CSMD2: variants seen among roughly 807,000 people sequenced by gnomAD.
CSMD2 encodes CUB and sushi domain-containing protein 2.
CSMD2 carries 130 observed loss-of-function variants against 398.5 expected under a neutral mutation model. The ratio of observed to expected loss-of-function variants is 0.33; its 90% CI spans 0.28 to 0.38. CSMD2 has a LOEUF of 0.38. Among genes scored for constraint, CSMD2 ranks in the 10% least tolerant of loss-of-function variants. The probability of loss-of-function intolerance (pLI) is 1.00; values close to 1 mark genes in which losing one functional copy is unlikely to be tolerated. For synonymous variants in CSMD2, 1,828 were observed against 1,908.5 expected (o/e 0.96, Z 1.10); for missense variants, 3,829 against 4,764.9 (o/e 0.80, Z 5.78).
chr1:33,798,544 G>A (rs986772130), intron 10 of CSMD2, among the ~76,000 whole-genome samples: 3 of 152,230 alleles, frequency 2.0e-5, no homozygotes, highest in African/African-American at 7.2e-5. Flanking sequence ...GCTACACTGT[G>A]AGAAGTGAAG....
chr1:33,869,686 C>T (rs1640307192), intron 5 of CSMD2, among the ~76,000 whole-genome samples: 1 of 152,188 alleles, frequency 6.6e-6, no homozygotes, highest in African/African-American at 2.4e-5. Flanking sequence ...ACAAATTCTC[C>T]TTCTTGTAGC....
intron 1 of CSMD2, among the ~76,000 whole-genome samples, chr1:34,150,856 G>A (rs1340520578): frequency 2.6e-5 from 4 of 152,124 alleles, no homozygotes; most frequent in African/African-American, 9.7e-5. Flanking sequence ...TGAGGTCGAG[G>A]TTACATTGAG....
At chr1:33,832,269 A>T (rs1280245646) in intron 6 of CSMD2, among the ~76,000 whole-genome samples, 2 of 151,976 alleles carry the variant, frequency 1.3e-5, no homozygotes, top group Non-Finnish European at 2.9e-5. Flanking sequence ...GAAGTAAAGC[A>T]CTCCTCAGCA....
At chr1:33,909,363 C>T (rs1347479934) in intron 5 of CSMD2, among the ~76,000 whole-genome samples, 1 of 152,182 alleles carries the variant, frequency 6.6e-6, no homozygotes, top group African/African-American at 2.4e-5. Context: ...TCCTACCCTC[C>T]TCAGAGAGGT....
chr1:34,153,703 G>A (rs530231541), intron 1 of CSMD2, among the ~76,000 whole-genome samples: 3 of 152,204 alleles, frequency 2.0e-5, no homozygotes, highest in Admixed American at 6.5e-5. Context: ...ACAGGGCCTT[G>A]AGCCAGAAAC....
intron 4 of CSMD2, among the ~76,000 whole-genome samples, chr1:33,935,206 A>G (rs1016960514): frequency 6.6e-6 from 1 of 152,062 alleles, no homozygotes; most frequent in African/African-American, 2.4e-5. Context: ...GCAAATATGA[A>G]CAAGTTGGTC....
At chr1:34,123,521 A>AAGG (rs201879905) in intron 1 of CSMD2, among the ~76,000 whole-genome samples, 22 of 80,028 alleles carry the variant, frequency 2.7e-4, no homozygotes, top group Admixed American at 1.5e-3. Flanking sequence ...ATCAAACTTA[A>AAGG]AGGGGGGGGG....
chr1:33,778,280 C>G (rs1048083923), intron 12 of CSMD2, among the ~76,000 whole-genome samples: 1 of 152,116 alleles, frequency 6.6e-6, no homozygotes, highest in African/African-American at 2.4e-5. Flanking sequence ...ACTGCAGCCT[C>G]GAACTCCTGG....
At chr1:34,000,967 G>A (rs1320206629) in intron 3 of CSMD2, among the ~76,000 whole-genome samples, 3 of 151,210 alleles carry the variant, frequency 2.0e-5, no homozygotes, top group Non-Finnish European at 4.4e-5. Context: ...GGAGTAGAAA[G>A]AGGAGGAGGA....
At chr1:34,008,051 T>C (rs1647114386) in intron 3 of CSMD2, among the ~76,000 whole-genome samples, 1 of 152,230 alleles carries the variant, frequency 6.6e-6, no homozygotes, top group African/African-American at 2.4e-5. Flanking sequence ...CAAATAATTA[T>C]GCTTTATGGA....
intron 44 of CSMD2, chr1:33,600,297 C>A (rs186182544): frequency 7.5e-5 from 47 of 624,578 alleles, no homozygotes; most frequent in African/African-American, 7.2e-4. Flanking sequence ...CCACAGAGAA[C>A]ATTCTATAAG....
intron 16 of CSMD2, 128 bp downstream of exon 16, chr1:33,726,419 C>T (rs1646531788): frequency 3.2e-5 from 37 of 1,147,430 alleles, no homozygotes; most frequent in Non-Finnish European, 4.0e-5. Flanking sequence ...CAATTTGGTC[C>T]AGTGTTCTCC....
At chr1:34,136,941 T>A (rs1638812932) in intron 1 of CSMD2, among the ~76,000 whole-genome samples, 1 of 152,120 alleles carries the variant, frequency 6.6e-6, no homozygotes, top group South Asian at 2.1e-4. Flanking sequence ...TCCACTCATC[T>A]TTCCATTCAC....
chr1:33,581,264 G>A (rs189531504), intron 47 of CSMD2, among the ~76,000 whole-genome samples: 1 of 145,266 alleles, frequency 6.9e-6, no homozygotes, highest in Non-Finnish European at 1.5e-5. Context: ...GCTCATGTCT[G>A]TAATCCCAGC....
chr1:33,908,606 A>T (rs988751838), intron 5 of CSMD2, among the ~76,000 whole-genome samples: 4 of 152,238 alleles, frequency 2.6e-5, no homozygotes, highest in Non-Finnish European at 5.9e-5. Flanking sequence ...GCTTTAGCAG[A>T]GCCGCTGTGC....
At chr1:33,803,103 C>T (rs551291504) in intron 10 of CSMD2, among the ~76,000 whole-genome samples, 1 of 152,306 alleles carries the variant, frequency 6.6e-6, no homozygotes, top group African/African-American at 2.4e-5. Flanking sequence ...GTCATCGTTG[C>T]CATGATCAGA....
chr1:33,782,781 C>T (rs934850579), intron 12 of CSMD2, among the ~76,000 whole-genome samples: 3 of 152,094 alleles, frequency 2.0e-5, no homozygotes, highest in African/African-American at 7.2e-5. Context: ...TGAATGGATT[C>T]GTAGAAACCA....
chr1:34,016,658 T>C (rs1330606390), intron 3 of CSMD2, among the ~76,000 whole-genome samples: 2 of 152,196 alleles, frequency 1.3e-5, no homozygotes, highest in Non-Finnish European at 2.9e-5. Context: ...TGTATGTTTA[T>C]TGCAGCACTA....
intron 3 of CSMD2, among the ~76,000 whole-genome samples, chr1:33,951,717 G>A (rs542157484): frequency 3.3e-5 from 5 of 152,174 alleles, no homozygotes; most frequent in African/African-American, 4.8e-5. Flanking sequence ...AGAAGAAACT[G>A]TCTACTTCTT....
Sources: allele counts gnomAD v4.1 joint callset (sites outside exome capture counted in the v4.1 genomes callset), GRCh38; gene constraint gnomAD v4.1.1; transcripts MANE v1.5; gene names NCBI Gene and HGNC (gene_info 2026-07-23, HGNC 2026-07-21).